Variants in GABRA3 observed in about 807,000 individuals in gnomAD.
GABRA3 encodes gamma-aminobutyric acid type A receptor subunit alpha3.
Under a neutral mutation model 30.1 loss-of-function variants are expected in GABRA3, and 10 were observed. That is an observed-to-expected ratio of 0.33 (90% CI 0.20 to 0.56). The LOEUF is 0.56. Ranked by LOEUF, GABRA3 falls within the 20% of genes least tolerant of loss-of-function variation. GABRA3 has a pLI of 0.89. For synonymous variants in GABRA3, 151 were observed against 146.8 expected (o/e 1.03, Z -0.21); for missense variants, 233 against 392.0 (o/e 0.59, Z 3.42).
At chrX:152,366,521 T>C (rs925859647) in intron 1 of GABRA3, among the ~76,000 whole-genome samples, 1 of 112,064 alleles carries the variant, frequency 8.9e-6, no homozygotes, top group African/African-American at 3.2e-5. Context: ...CAAACTATCA[T>C]ATTAAGAATA....
At chrX:152,299,352 G>A (rs1939590425) in intron 3 of GABRA3, among the ~76,000 whole-genome samples, 1 of 110,855 alleles carries the variant, frequency 9.0e-6, no homozygotes, top group Non-Finnish European at 1.9e-5. Flanking sequence ...AAGTGAAGCT[G>A]AACTGATGCC....
At chrX:152,347,591 T>C (rs993166658) in intron 2 of GABRA3, among the ~76,000 whole-genome samples, 35 of 111,108 alleles carry the variant, frequency 3.2e-4, no homozygotes, top group African/African-American at 1.1e-3. Context: ...ACGCACCCCA[T>C]AAATATATAT....
At chrX:152,276,405 A>G (rs1365839859) in intron 4 of GABRA3, among the ~76,000 whole-genome samples, 1 of 112,230 alleles carries the variant, frequency 8.9e-6, no homozygotes, top group Non-Finnish European at 1.9e-5. Flanking sequence ...GCTCTCATAC[A>G]CTGCTATTGA....
intron 5 of GABRA3, among the ~76,000 whole-genome samples, chrX:152,225,423 C>A (rs1330321644): frequency 1.4e-4 from 2 of 13,875 alleles, no homozygotes; most frequent in African/African-American, 4.5e-4. Flanking sequence ...CACACGCACA[C>A]ACACACACGC....
At chrX:152,208,175 T>C (rs1401181476) in intron 6 of GABRA3, 31 bp from the exon 7 acceptor site, 2 of 1,189,034 alleles carry the variant, frequency 1.7e-6, no homozygotes, top group South Asian at 1.8e-5. Flanking sequence ...TAAAGAGAAG[T>C]TGAAGGAAAT....
At chrX:152,447,612 C>T (rs901936721) in intron 1 of GABRA3, among the ~76,000 whole-genome samples, 13 of 112,129 alleles carry the variant, frequency 1.2e-4, no homozygotes, top group Admixed American at 3.8e-4. Flanking sequence ...AGCCCTTCAC[C>T]CACTTGGAAT....
At chrX:152,345,436 T>G (rs1940376218) in intron 3 of GABRA3, 145 bp downstream of exon 3, 3 of 588,788 alleles carry the variant, frequency 5.1e-6, no homozygotes, top group Non-Finnish European at 7.8e-6. Context: ...TTATGACTAA[T>G]TTTTAGTGCT....
chrX:152,351,394 C>T (rs1014896889), intron 2 of GABRA3, among the ~76,000 whole-genome samples: 39 of 112,049 alleles, frequency 3.5e-4, no homozygotes, highest in Non-Finnish European at 6.6e-4. Flanking sequence ...TGTGTCTCAC[C>T]TTGCACTTTT....
At chrX:152,323,707 C>G (rs1262260150) in intron 3 of GABRA3, among the ~76,000 whole-genome samples, 1 of 112,147 alleles carries the variant, frequency 8.9e-6, no homozygotes, top group Non-Finnish European at 1.9e-5. Flanking sequence ...TAATTGCTTT[C>G]TGTTAAAAAA....
chrX:152,266,442 T>C (rs1938825852), intron 4 of GABRA3, among the ~76,000 whole-genome samples: 1 of 112,009 alleles, frequency 8.9e-6, no homozygotes, highest in Admixed American at 9.5e-5. Flanking sequence ...CCCTTCATCA[T>C]AAAAACCCAC....
At chrX:152,221,002 T>G (rs1477275988) in intron 6 of GABRA3, among the ~76,000 whole-genome samples, 2 of 111,007 alleles carry the variant, frequency 1.8e-5, no homozygotes, top group Non-Finnish European at 1.9e-5. Context: ...TGCTTTTGAG[T>G]CCTTTGTTAG....
intron 3 of GABRA3, among the ~76,000 whole-genome samples, chrX:152,295,501 G>T (rs763420837): frequency 8.8e-6 from 1 of 113,248 alleles, no homozygotes; most frequent in South Asian, 3.6e-4. Context: ...GATCTGCTGA[G>T]CCAGGCATGG....
intron 5 of GABRA3, among the ~76,000 whole-genome samples, chrX:152,233,143 G>C (rs1309898099): frequency 9.4e-6 from 1 of 106,129 alleles, no homozygotes; most frequent in Non-Finnish European, 1.9e-5. Context: ...GTCGGTTCAT[G>C]ATGGGGTTGT....
At chrX:152,247,471 G>T (rs966747853) in intron 5 of GABRA3, among the ~76,000 whole-genome samples, 2 of 111,442 alleles carry the variant, frequency 1.8e-5, no homozygotes, top group Admixed American at 1.9e-4. Context: ...GGGGAAAAAA[G>T]GTTTTCACTA....
intron 9 of GABRA3, among the ~76,000 whole-genome samples, chrX:152,188,848 C>T (rs759649767): frequency 1.8e-5 from 2 of 111,820 alleles, no homozygotes; most frequent in Non-Finnish European, 3.8e-5. Context: ...TTTGCCAGTT[C>T]CTCTTAGCAT....
intron 1 of GABRA3, among the ~76,000 whole-genome samples, chrX:152,418,201 C>A (rs945974748): frequency 9.0e-6 from 1 of 110,913 alleles, no homozygotes; most frequent in Non-Finnish European, 1.9e-5. Flanking sequence ...AAATGACATA[C>A]TTAAAACATA....
intron 2 of GABRA3, among the ~76,000 whole-genome samples, chrX:152,352,174 C>G (rs1036609753): frequency 1.8e-5 from 2 of 110,865 alleles, no homozygotes; most frequent in Non-Finnish European, 3.8e-5. Flanking sequence ...ACTCACTCAA[C>G]ACAGGGTTGC....
At chrX:152,276,112 A>AAC (rs199686918) in intron 4 of GABRA3, among the ~76,000 whole-genome samples, 59 of 109,277 alleles carry the variant, frequency 5.4e-4, no homozygotes, top group East Asian at 5.7e-4. Flanking sequence ...TTCATTATTA[A>AAC]ACACACACAC....
At chrX:152,209,305 C>T (rs1386235957) in intron 6 of GABRA3, among the ~76,000 whole-genome samples, 2 of 111,220 alleles carry the variant, frequency 1.8e-5, no homozygotes, top group African/African-American at 3.3e-5. Flanking sequence ...TAACTTTAGT[C>T]AGTATATTAA....
Sources: gnomAD v4.1 joint callset for allele counts (sites outside exome capture counted in the v4.1 genomes callset) on GRCh38, gnomAD v4.1.1 for gene constraint, MANE v1.5 for transcripts, NCBI Gene and HGNC (gene_info 2026-07-23, HGNC 2026-07-21) for gene names.